NF1: variants seen among roughly 807,000 people sequenced by gnomAD.
The protein encoded by NF1 is neurofibromin.
Under a neutral mutation model 325.7 loss-of-function variants are expected in NF1, and 122 were observed. That is an observed-to-expected ratio of 0.37 (90% confidence interval 0.32 to 0.44). The LOEUF is 0.44. Among genes scored for constraint, NF1 ranks in the 20% least tolerant of loss-of-function variants. The pLI is 1.00. For missense variants in NF1, 2,140 were observed against 3,415.4 expected (o/e 0.63, Z 9.31); for synonymous variants, 1,091 against 1,186.0 (o/e 0.92, Z 1.65).
At chr17:31,334,812 C>T (rs751873428) in intron 39 of NF1, 26 bp from the exon 40 acceptor site, 4 of 1,552,360 alleles carry the variant, frequency 2.6e-6, no homozygotes, top group Admixed American at 3.3e-5. Flanking sequence ...TTGACCATCA[C>T]ATGCTAATAG....
At chr17:31,365,046 C>T (rs1312788608) in intron 57 of NF1, among the ~76,000 whole-genome samples, 2 of 151,844 alleles carry the variant, frequency 1.3e-5, no homozygotes, top group Non-Finnish European at 2.9e-5. Context: ...CGCCTGTAAT[C>T]CTAACACTTT....
intron 36 of NF1, among the ~76,000 whole-genome samples, chr17:31,271,611 G>A (rs77604609): frequency 0.042 from 6,359 of 152,060 alleles, 253 homozygotes; most frequent in African/African-American, 0.1. Flanking sequence ...TTAATCGAGC[G>A]TGGTGGTGGG....
At chr17:31,292,038 T>A (rs1398029828) in intron 36 of NF1, among the ~76,000 whole-genome samples, 2 of 152,194 alleles carry the variant, frequency 1.3e-5, no homozygotes, top group Non-Finnish European at 2.9e-5. Context: ...ATGTGAATTA[T>A]GTCATTTAAT....
At position 31,261,871 on chromosome 17, in the gene NF1, T is replaced by C. The variant is rs779698484; in HGVS notation, c.4724+14T>C. On this transcript the variant is annotated intron_variant, in intron 35 of 57. Transcript: ENST00000358273. The stretch of plus-strand genomic sequence containing the variant: ...ATTTATGACTAGGTAAAGTACAACC[T>C]TGAAATAGTTGATTGCTTTCTTTTT... 6.2e-7 allele frequency: 1 copy of C among 1,612,574 alleles called. No homozygotes were observed. The highest frequency in any genetic ancestry group is 1.1e-5 in the South Asian group (1 of 91,012).
chr17:31,288,494 A>G (rs992371218), intron 36 of NF1, among the ~76,000 whole-genome samples: 1 of 144,352 alleles, frequency 6.9e-6, no homozygotes, highest in African/African-American at 2.5e-5. Flanking sequence ...GTAACTCCAC[A>G]TTGCCCAGAA....
intron 47 of NF1, among the ~76,000 whole-genome samples, chr17:31,341,679 T>C (rs1427864175): frequency 6.7e-6 from 1 of 149,018 alleles, no homozygotes; most frequent in African/African-American, 2.5e-5. Context: ...TTAGGAGGGG[T>C]GCTAATGGGG....
chr17:31,322,564 A>T (rs72815632), intron 36 of NF1, among the ~76,000 whole-genome samples: 1 of 146,832 alleles, frequency 6.8e-6, no homozygotes, highest in Non-Finnish European at 1.5e-5. Flanking sequence ...ACATATCTGT[A>T]ATCCCAGCTA....
Position 31,214,229 on chromosome 17 carries a change from TA to T in NF1, c.1393-213del, listed in dbSNP as rs58513322. Among the ~76,000 whole-genome samples, 3,865 of 151,426 alleles carry T rather than the reference TA, an allele frequency of 0.026. 60 individuals carry two copies. Among genetic ancestry groups the T allele is most frequent in the African/African-American group, 0.045 (1,856 of 41,362 alleles). ...GATTTTCATTGTTTTATTAGATTGA[TA>T]AAAAAAAATATAAATGGTGCAAAAA... On this transcript the variant is annotated intron_variant, in intron 12 of 57. Coordinates refer to ENST00000358273, the MANE Select transcript of NF1 (RefSeq NM_001042492.3).
intron 1 of NF1, among the ~76,000 whole-genome samples, chr17:31,151,583 A>G (rs1346831495): frequency 6.6e-6 from 1 of 152,222 alleles, no homozygotes; most frequent in Non-Finnish European, 1.5e-5. Context: ...TAGATGCTCA[A>G]GTCCCTGATA....
intron 1 of NF1, among the ~76,000 whole-genome samples, chr17:31,149,291 T>TACAC (rs796806933): frequency 2.2e-3 from 325 of 147,306 alleles, no homozygotes; most frequent in African/African-American, 5.6e-3. Flanking sequence ...CACACACACA[T>TACAC]ACACACACAC....
At chr17:31,202,004 A>G (rs563658688) in intron 11 of NF1, among the ~76,000 whole-genome samples, 24 of 152,312 alleles carry the variant, frequency 1.6e-4, no homozygotes, top group Middle Eastern at 3.4e-3. Context: ...CTTAAACAAA[A>G]TGAAATATTA....
rs1555614532 is a variant in NF1 at position 31,230,350 on chromosome 17, T to C, written c.3081T>C (p.Asp1027=). The C allele has an allele frequency of 6.2e-7, 1 of 1,613,516 alleles. No individual in the cohort carries two copies. Among genetic ancestry groups the C allele is most frequent in the East Asian group, 2.2e-5 (1 of 44,808 alleles). The change falls in exon 23 of 58, where the codon GAT becomes GAC. Residue 1027 remains aspartate, a synonymous_variant. Coordinates refer to ENST00000358273, the MANE Select transcript of NF1 (RefSeq NM_001042492.3). ...TTGAAGTAATGATGGCAAGGAGAGATGACCTCTCATTTTGCCAAGAGATGA... is the reference window on the plus strand; with the variant it reads ...TTGAAGTAATGATGGCAAGGAGAGACGACCTCTCATTTTGCCAAGAGATGA... The part of the protein sequence containing the change: ...QLVEVMMARR[D]DLSFCQEMKF...
At chr17:31,179,340 C>T (rs969081161) in intron 5 of NF1, among the ~76,000 whole-genome samples, 4 of 152,094 alleles carry the variant, frequency 2.6e-5, no homozygotes, top group Admixed American at 2.0e-4. Context: ...CGTACCAAAA[C>T]CTCTGGGATA....
At chr17:31,208,847 C>T (rs1344157372) in intron 12 of NF1, among the ~76,000 whole-genome samples, 1 of 151,844 alleles carries the variant, frequency 6.6e-6, no homozygotes, top group Admixed American at 6.6e-5. Context: ...ACTGAGATGG[C>T]GCCATTGCAC....
At position 31,229,791 on chromosome 17, in the gene NF1, T is replaced by C. The variant is rs372940590; in HGVS notation, c.2851-44T>C. ...TCATCTCTCTAGGGGGTCTGTCTTC[T>C]GGGCATTGATGGCAAATCATTAATG... On this transcript the variant is annotated intron_variant, in intron 21 of 57. Coordinates refer to ENST00000358273, the MANE Select transcript of NF1 (RefSeq NM_001042492.3). 5.2e-5 allele frequency: 84 copies of C among 1,609,478 alleles called. 1 individual carries two copies. Among genetic ancestry groups the C allele is most frequent in the East Asian group, 4.7e-4 (21 of 44,844 alleles).
chr17:31,223,632 A>G lies in NF1; in HGVS notation c.1845+65A>G, dbSNP rs1250781048. 4.6e-6 allele frequency: 7 copies of G among 1,528,648 alleles called. No individual in the cohort carries two copies. The East Asian group carries it at 9.2e-5, about 20-fold the overall frequency. The allele number at this position is 1,528,648 out of a possible 1,614,324, so 94.7% of individuals were successfully genotyped here. A position where few individuals can be genotyped will look rare whatever the true frequency, so the allele number is the denominator to read the frequency against. ...GGAATGGTAATGGTGAGAGATTACT[A>G]AAGTGTTTTATAGCCAAATTAGGTT... On this transcript the variant is annotated intron_variant, in intron 16 of 57. Coordinates refer to ENST00000358273, the MANE Select transcript of NF1 (RefSeq NM_001042492.3).
intron 1 of NF1, among the ~76,000 whole-genome samples, chr17:31,134,380 A>G (rs1456701195): frequency 6.6e-6 from 1 of 152,200 alleles, no homozygotes; most frequent in Admixed American, 6.5e-5. Context: ...AGAGTGTTTC[A>G]TATGAATATG....
At chr17:31,230,756 A>G in intron 23 of NF1, 86 bp from the exon 24 acceptor site, 1 of 1,018,896 alleles carries the variant, frequency 9.8e-7, no homozygotes, top group Non-Finnish European at 1.5e-6. Context: ...AATTATTTGC[A>G]CTATAAGAAA....
intron 47 of NF1, among the ~76,000 whole-genome samples, chr17:31,341,479 C>T (rs1193626773): frequency 1.3e-5 from 2 of 151,940 alleles, no homozygotes; most frequent in East Asian, 1.9e-4. Context: ...GCTGAGATCA[C>T]GCCACTGCAC....
Sources: allele counts gnomAD v4.1 joint callset (sites outside exome capture counted in the v4.1 genomes callset), GRCh38; gene constraint gnomAD v4.1.1; transcripts MANE v1.5; gene names NCBI Gene and HGNC (gene_info 2026-07-23, HGNC 2026-07-21).